Variants in SGCZ observed in about 807,000 individuals in gnomAD.
SGCZ encodes the protein zeta-sarcoglycan.
SGCZ carries 40 observed loss-of-function variants against 41.3 expected under a neutral mutation model. That is an observed-to-expected ratio of 0.97 (90% CI 0.75 to 1.26). SGCZ has a LOEUF of 1.26. Among genes scored for constraint, SGCZ ranks in the 50% most tolerant of loss-of-function variants. The pLI is 0.00. For missense variants in SGCZ, 552 were observed against 369.8 expected, an observed-to-expected ratio of 1.49 and a Z score of -4.04; for synonymous variants, 206 against 137.5, an observed-to-expected ratio of 1.50 and a Z score of -3.49.
intron 4 of SGCZ, among the ~76,000 whole-genome samples, chr8:14,206,730 T>C (rs931068908): frequency 6.6e-6 from 1 of 152,170 alleles, no homozygotes; most frequent in African/African-American, 2.4e-5. Context: ...CTGGTAAGGG[T>C]ATTACCCCCT....
At position 15,078,542 on chromosome 8, in the gene SGCZ, C is replaced by T. The variant is rs192425708; in HGVS notation, c.39+159043G>A. Among the ~76,000 whole-genome samples, 209 of 152,016 alleles carry T rather than the reference C, an allele frequency of 1.4e-3. 1 individual carries two copies. Among genetic ancestry groups the T allele is most frequent in the Middle Eastern group, 0.01 (3 of 294 alleles). On this transcript the variant is annotated intron_variant, in intron 1 of 7. Transcript: ENST00000382080. ...AAGGATGTGATATCTCCCAGATATA[C>T]CACAGGTTAGATTTTACATTTTGAG...
chr8:14,439,226 G>C (rs966926633), intron 2 of SGCZ, among the ~76,000 whole-genome samples: 1 of 151,096 alleles, frequency 6.6e-6, no homozygotes, highest in Non-Finnish European at 1.5e-5. Flanking sequence ...AGATCATTAG[G>C]ACTTTTTATT....
intron 2 of SGCZ, among the ~76,000 whole-genome samples, chr8:14,505,147 C>T (rs528215608): frequency 1.3e-5 from 2 of 152,184 alleles, no homozygotes; most frequent in East Asian, 3.9e-4. Context: ...GGACCCCATC[C>T]ACCCATCCCA....
At chr8:14,294,382 C>T (rs1447877878) in intron 3 of SGCZ, among the ~76,000 whole-genome samples, 1 of 151,658 alleles carries the variant, frequency 6.6e-6, no homozygotes, top group African/African-American at 2.4e-5. Context: ...AATTGCAAGG[C>T]AAGCAACTAC....
chr8:15,005,115 G>A (rs1341674928), intron 1 of SGCZ, among the ~76,000 whole-genome samples: 2 of 152,080 alleles, frequency 1.3e-5, no homozygotes, highest in Non-Finnish European at 2.9e-5. Context: ...GCCTCATGCC[G>A]GCTAGTAAGT....
intron 3 of SGCZ, among the ~76,000 whole-genome samples, chr8:14,268,925 T>C (rs1177292569): frequency 1.3e-5 from 2 of 151,780 alleles, no homozygotes; most frequent in Admixed American, 6.6e-5. Flanking sequence ...TACATATTTT[T>C]ATTTCAAATT....
At chr8:14,624,428 A>T (rs946440752) in intron 1 of SGCZ, among the ~76,000 whole-genome samples, 8 of 152,042 alleles carry the variant, frequency 5.3e-5, no homozygotes, top group Non-Finnish European at 1.0e-4. Context: ...GAAGAGCTGA[A>T]TAAAGATTAT....
chr8:14,526,176 A>C (rs1263423923), intron 2 of SGCZ, among the ~76,000 whole-genome samples: 1 of 152,132 alleles, frequency 6.6e-6, no homozygotes, highest in African/African-American at 2.4e-5. Context: ...TAGCAACCAT[A>C]ATTTCTCATG....
intron 2 of SGCZ, among the ~76,000 whole-genome samples, chr8:14,427,221 T>G (rs1799812635): frequency 6.6e-6 from 1 of 152,008 alleles, no homozygotes; most frequent in Non-Finnish European, 1.5e-5. Flanking sequence ...TCAGGAAAAA[T>G]AACTAATGAC....
chr8:14,821,907 C>A (rs1474434936), intron 1 of SGCZ, among the ~76,000 whole-genome samples: 3 of 152,058 alleles, frequency 2.0e-5, no homozygotes, highest in African/African-American at 7.2e-5. Flanking sequence ...AGGAACTAGA[C>A]AAGGTTGCTA....
chr8:14,671,577 G>T (rs1179996390), intron 1 of SGCZ, among the ~76,000 whole-genome samples: 1 of 152,042 alleles, frequency 6.6e-6, no homozygotes, highest in Non-Finnish European at 1.5e-5. Context: ...ACTTCAGGGT[G>T]CCCAGGTGAG....
intron 2 of SGCZ, among the ~76,000 whole-genome samples, chr8:14,337,196 CAA>C (rs774996328): frequency 6.6e-6 from 1 of 152,078 alleles, no homozygotes; most frequent in African/African-American, 2.4e-5. Context: ...AAGCCTTCCA[CAA>C]AAAAGTCTGC....
At chr8:15,220,429 G>C (rs908714033) in intron 1 of SGCZ, among the ~76,000 whole-genome samples, 5 of 152,064 alleles carry the variant, frequency 3.3e-5, no homozygotes, top group Non-Finnish European at 7.4e-5. Context: ...AAAGCTCCAG[G>C]CCCTTGCAAA....
chr8:15,182,277 G>A (rs1329246648), intron 1 of SGCZ, among the ~76,000 whole-genome samples: 1 of 151,970 alleles, frequency 6.6e-6, no homozygotes, highest in East Asian at 1.9e-4. Flanking sequence ...CTAAAATATA[G>A]ATTAGCATTA....
chr8:15,030,000 C>T (rs960652872), intron 1 of SGCZ, among the ~76,000 whole-genome samples: 1 of 152,074 alleles, frequency 6.6e-6, no homozygotes, highest in Admixed American at 6.6e-5. Flanking sequence ...TATTCTGTGC[C>T]AAGCACTATT....
intron 1 of SGCZ, among the ~76,000 whole-genome samples, chr8:14,988,899 C>T (rs966539138): frequency 3.9e-5 from 6 of 152,046 alleles, no homozygotes; most frequent in Non-Finnish European, 7.4e-5. Context: ...GAATCAATAA[C>T]ATTTGTGGGG....
chr8:14,176,013 T>C (rs1052013039), intron 4 of SGCZ, among the ~76,000 whole-genome samples: 1 of 152,156 alleles, frequency 6.6e-6, no homozygotes, highest in Non-Finnish European at 1.5e-5. Flanking sequence ...TTTCAAATTT[T>C]GCATCATTAT....
intron 2 of SGCZ, among the ~76,000 whole-genome samples, chr8:14,356,786 C>T (rs558353938): frequency 6.6e-6 from 1 of 152,058 alleles, no homozygotes; most frequent in South Asian, 2.1e-4. Context: ...GCAAATAATA[C>T]TAGGTAGGGC....
At chr8:15,024,164 T>C (rs910485025) in intron 1 of SGCZ, among the ~76,000 whole-genome samples, 4 of 152,220 alleles carry the variant, frequency 2.6e-5, no homozygotes, top group Admixed American at 6.5e-5. Context: ...TGATTTCAAC[T>C]ATGGACTTTG....
Sources: allele counts gnomAD v4.1 joint callset (sites outside exome capture counted in the v4.1 genomes callset), GRCh38; gene constraint gnomAD v4.1.1; transcripts MANE v1.5; gene names NCBI Gene and HGNC (gene_info 2026-07-23, HGNC 2026-07-21).